RANBP17: variants seen among roughly 807,000 people sequenced by gnomAD.
The protein encoded by RANBP17 is RAN binding protein 17.
A neutral mutation model predicts 141.2 loss-of-function variants in RANBP17; 158 were observed. That is an observed-to-expected ratio of 1.12 (90% CI 0.98 to 1.28). RANBP17 has a LOEUF of 1.28. Among genes scored for constraint, RANBP17 ranks in the 50% most tolerant of loss-of-function variants. The probability of loss-of-function intolerance (pLI) is 0.00; values close to 1 mark genes in which losing one functional copy is unlikely to be tolerated. For synonymous variants in RANBP17, 430 were observed against 450.0 expected (o/e 0.96, Z 0.56); for missense variants, 1,438 against 1,290.7 (o/e 1.11, Z -1.75).
At chr5:171,125,745 C>G (rs943161009) in intron 14 of RANBP17, among the ~76,000 whole-genome samples, 4 of 152,154 alleles carry the variant, frequency 2.6e-5, no homozygotes, top group Non-Finnish European at 5.9e-5. Flanking sequence ...TTGGAACACT[C>G]TCCCAGGATT....
At chr5:171,143,010 A>G (rs987021084) in intron 14 of RANBP17, among the ~76,000 whole-genome samples, 4 of 152,172 alleles carry the variant, frequency 2.6e-5, no homozygotes, top group Non-Finnish European at 2.9e-5. Flanking sequence ...TTTAAAATCT[A>G]TTTTATCCAT....
intron 14 of RANBP17, among the ~76,000 whole-genome samples, chr5:171,014,531 A>G (rs1258224141): frequency 6.6e-6 from 1 of 151,982 alleles, no homozygotes; most frequent in Non-Finnish European, 1.5e-5. Flanking sequence ...TTAAAATGAT[A>G]TTATACCATT....
At chr5:171,127,275 C>A (rs1036553867) in intron 14 of RANBP17, among the ~76,000 whole-genome samples, 1 of 152,134 alleles carries the variant, frequency 6.6e-6, no homozygotes, top group African/African-American at 2.4e-5. Flanking sequence ...ATTCAACATG[C>A]CTTCATGATA....
At chr5:171,208,562 T>C (rs2127965886) in intron 20 of RANBP17, among the ~76,000 whole-genome samples, 2 of 152,356 alleles carry the variant, frequency 1.3e-5, no homozygotes, top group East Asian at 3.9e-4. Context: ...TTTCCTCATA[T>C]GCAGTCTTTT....
intron 4 of RANBP17, among the ~76,000 whole-genome samples, chr5:170,893,749 C>T (rs766746998): frequency 2.8e-4 from 42 of 151,092 alleles, no homozygotes; most frequent in Non-Finnish European, 4.4e-4. Flanking sequence ...GCGGAGATTG[C>T]GCCACTGCAC....
intron 14 of RANBP17, among the ~76,000 whole-genome samples, chr5:171,160,420 C>T (rs1759261458): frequency 6.6e-6 from 1 of 152,096 alleles, no homozygotes; most frequent in Non-Finnish European, 1.5e-5. Flanking sequence ...ATAGGTAATA[C>T]TTATGAAAAT....
intron 24 of RANBP17, among the ~76,000 whole-genome samples, chr5:171,254,885 G>A (rs1422013290): frequency 4.6e-5 from 7 of 152,100 alleles, no homozygotes; most frequent in African/African-American, 1.7e-4. Context: ...ACAACAAAAA[G>A]GAATGTTTTT....
chr5:170,909,492 T>C (rs1439843190), intron 5 of RANBP17, among the ~76,000 whole-genome samples, 169 bp from the exon 6 acceptor site: 2 of 151,464 alleles, frequency 1.3e-5, no homozygotes, highest in African/African-American at 4.8e-5. Context: ...TGAACTTTGG[T>C]TTTTAGTATT....
chr5:171,037,281 G>A (rs973143750), intron 14 of RANBP17, among the ~76,000 whole-genome samples: 2 of 151,836 alleles, frequency 1.3e-5, no homozygotes, highest in Non-Finnish European at 1.5e-5. Flanking sequence ...TCCTTTGCCC[G>A]CATTTTAATG....
intron 14 of RANBP17, among the ~76,000 whole-genome samples, chr5:171,014,680 G>A (rs1017633648): frequency 2.6e-5 from 4 of 151,880 alleles, no homozygotes; most frequent in Admixed American, 1.3e-4. Context: ...GCTTTAAGAA[G>A]TTAATTATCT....
At chr5:171,082,638 G>T (rs1032640485) in intron 14 of RANBP17, among the ~76,000 whole-genome samples, 2 of 152,130 alleles carry the variant, frequency 1.3e-5, no homozygotes, top group Non-Finnish European at 2.9e-5. Context: ...AAATTGGAAG[G>T]TCACATAACC....
intron 24 of RANBP17, among the ~76,000 whole-genome samples, chr5:171,244,716 G>A (rs1765106135): frequency 6.6e-6 from 1 of 151,868 alleles, no homozygotes. Flanking sequence ...CAAATCACTG[G>A]GATTACAAGC....
rs192250004 is a variant in RANBP17, at chr5:170,988,124, A to C, written c.1710+19747A>C. Among the ~76,000 whole-genome samples the C allele has an allele frequency of 7.6e-4, 115 of 151,576 alleles. No homozygotes were observed. The East Asian group carries it at 0.012, about 16-fold the overall frequency. ...CTTACCCACAGAATATTTTTACTCT[A>C]TTTTTTCCTCTCTTTTTTTCTACTT... On this transcript the variant is annotated intron_variant, in intron 14 of 27. Transcript: ENST00000523189.
At chr5:171,272,822 C>T (rs994614602) in intron 25 of RANBP17, among the ~76,000 whole-genome samples, 1 of 124,468 alleles carries the variant, frequency 8.0e-6, no homozygotes, top group African/African-American at 3.1e-5. Flanking sequence ...AAAGAGGCAG[C>T]GGGCAAGAGA....
chr5:171,290,095 G>T (rs1440476542), intron 25 of RANBP17, among the ~76,000 whole-genome samples: 2 of 152,176 alleles, frequency 1.3e-5, no homozygotes, highest in African/African-American at 4.8e-5. Context: ...CGGGCCAGAC[G>T]CAGTGGCTCA....
intron 25 of RANBP17, among the ~76,000 whole-genome samples, chr5:171,280,505 C>T (rs1581175629): frequency 6.6e-6 from 1 of 152,130 alleles, no homozygotes; most frequent in South Asian, 2.1e-4. Flanking sequence ...GTCCCAAACT[C>T]CTGAGCTGAA....
intron 12 of RANBP17, among the ~76,000 whole-genome samples, chr5:170,940,989 A>G (rs1774282394): frequency 6.6e-6 from 1 of 152,142 alleles, no homozygotes; most frequent in Admixed American, 6.5e-5. Flanking sequence ...AAAACCCCAT[A>G]CACTTGGGAA....
chr5:170,873,183 T>A (rs1767894731), intron 1 of RANBP17, among the ~76,000 whole-genome samples: 2 of 152,208 alleles, frequency 1.3e-5, no homozygotes, highest in Non-Finnish European at 2.9e-5. Flanking sequence ...AGGGCTGGGA[T>A]TACAGGCGTG....
intron 14 of RANBP17, among the ~76,000 whole-genome samples, chr5:171,081,569 G>T (rs1211385732): frequency 6.6e-6 from 1 of 152,022 alleles, no homozygotes; most frequent in Non-Finnish European, 1.5e-5. Flanking sequence ...ACATATCATT[G>T]TACAACTGTT....
Sources: allele counts gnomAD v4.1 joint callset (sites outside exome capture counted in the v4.1 genomes callset), GRCh38; gene constraint gnomAD v4.1.1; transcripts MANE v1.5; gene names NCBI Gene and HGNC (gene_info 2026-07-23, HGNC 2026-07-21).